SULF2: variants seen among roughly 807,000 people sequenced by gnomAD.
The protein encoded by SULF2 is extracellular sulfatase Sulf-2.
Under a neutral mutation model 107.7 loss-of-function variants are expected in SULF2, and 52 were observed. That is an observed-to-expected ratio of 0.48 (90% CI 0.39 to 0.61). The LOEUF is 0.61. Ranked by LOEUF, SULF2 falls within the 20% of genes least tolerant of loss-of-function variation. SULF2 has a pLI of 0.00. For synonymous variants in SULF2, 460 were observed against 464.3 expected, an observed-to-expected ratio of 0.99 and a Z score of 0.12; for missense variants, 993 against 1,177.3, an observed-to-expected ratio of 0.84 and a Z score of 2.29.
chr20:47,751,891 T>C (rs567463095), intron 2 of SULF2, among the ~76,000 whole-genome samples: 1 of 152,202 alleles, frequency 6.6e-6, no homozygotes, highest in Non-Finnish European at 1.5e-5. Flanking sequence ...TCAACAGCCA[T>C]GATGGTGCAA....
chr20:47,705,713 G>A (rs897581958), intron 3 of SULF2, among the ~76,000 whole-genome samples: 4 of 152,040 alleles, frequency 2.6e-5, no homozygotes, highest in Non-Finnish European at 5.9e-5. Context: ...CTCAATATTC[G>A]CCGACGCACG....
intron 3 of SULF2, among the ~76,000 whole-genome samples, chr20:47,729,654 A>AGGAGAAGCCTGTGAGAGGCGCCGG (rs1296465491): frequency 3.3e-5 from 5 of 151,774 alleles, no homozygotes; most frequent in Non-Finnish European, 7.4e-5. Context: ...GGAGGTGCCG[A>AGGAGAAGCCTGTGAGAGGCGCCGG]GGAGAAGCCT....
At chr20:47,697,653 C>A (rs1602670870) in intron 4 of SULF2, among the ~76,000 whole-genome samples, 2 of 152,220 alleles carry the variant, frequency 1.3e-5, no homozygotes, top group South Asian at 4.1e-4. Context: ...TCTCTGTTCC[C>A]AGGCCCCTGG....
In SULF2 at chr20:47,672,192, ACTTACT is replaced by A. The variant is rs1179520972; in HGVS notation, c.1576_1576+5del. On this transcript the variant is annotated splice_donor_variant and splice_donor_5th_base_variant and coding_sequence_variant and intron_variant, in exon 11 of 21. Coordinates refer to ENST00000688720, the MANE Select transcript of SULF2 (RefSeq NM_001387048.1). LOFTEE classifies it high-confidence loss of function. ...CTGTCCCACTCAGCCAGGTTGTGAC[ACTTACT>A]CTTCTTGAAGAGTTTTTTCCGGCGT... The A allele has an allele frequency of 6.2e-7, 1 of 1,602,118 alleles. No individual in the cohort carries two copies. The highest frequency in any genetic ancestry group is 2.2e-5 in the East Asian group (1 of 44,580).
chr20:47,690,394 T>G, intron 4 of SULF2, 99 bp from the exon 5 acceptor site: 2 of 965,080 alleles, frequency 2.1e-6, no homozygotes, highest in Non-Finnish European at 2.8e-6. Context: ...GGGGACACAA[T>G]AGTGAACAAA....
Position 47,709,379 on chromosome 20 carries a change from A to C in SULF2, c.416-6709T>G, listed in dbSNP as rs763387897. ...ACTGCCCCTGGGCAGCAGGGCTGGC[A>C]TCTGCTGAAAGGCCAGAGCACTTAC... On this transcript the variant is annotated intron_variant, in intron 3 of 20. Transcript: ENST00000688720. Among the ~76,000 whole-genome samples the C allele has an allele frequency of 4.5e-4, 69 of 152,242 alleles. 1 individual carries two copies. Among genetic ancestry groups the C allele is most frequent in the Non-Finnish European group, 6.0e-4 (41 of 68,042 alleles).
At chr20:47,670,907 T>G (rs999787638) in intron 11 of SULF2, among the ~76,000 whole-genome samples, 6 of 151,960 alleles carry the variant, frequency 3.9e-5, no homozygotes, top group Non-Finnish European at 7.4e-5. Context: ...ACACCTAAAA[T>G]CTCTCATTAG....
At chr20:47,763,749 T>A (rs1370737201) in intron 1 of SULF2, among the ~76,000 whole-genome samples, 3 of 152,134 alleles carry the variant, frequency 2.0e-5, no homozygotes, top group Non-Finnish European at 4.4e-5. Flanking sequence ...CAGTGTTCAG[T>A]GATAGGAGAA....
At chr20:47,767,607 C>T (rs111563408) in intron 1 of SULF2, among the ~76,000 whole-genome samples, 2,937 of 152,276 alleles carry the variant, frequency 0.019, 47 homozygotes, top group South Asian at 0.039. Context: ...GAAACCCCAT[C>T]TCTACTAAAA....
intron 8 of SULF2, among the ~76,000 whole-genome samples, 187 bp from the exon 9 acceptor site, chr20:47,677,321 T>C (rs1429903396): frequency 6.6e-6 from 1 of 151,880 alleles, no homozygotes; most frequent in African/African-American, 2.4e-5. Context: ...GAGCCACCCC[T>C]TCCCCAGAGA....
In SULF2 at chr20:47,675,419, G is replaced by A. The variant is rs565616208; in HGVS notation, c.1380+1075C>T. 7.4e-4 allele frequency among the ~76,000 whole-genome samples: 113 copies of A among 152,250 alleles called. 1 individual carries two copies. The highest frequency in any genetic ancestry group is 3.4e-3 in the Middle Eastern group (1 of 294). The stretch of plus-strand genomic sequence containing the variant: ...ACAGCTCCTGCCCGGTGGCAGATAC[G>A]GGTTAATTGTGTGACTAAGAGGGGT... On this transcript the variant is annotated intron_variant, in intron 10 of 20. Coordinates refer to ENST00000688720, the MANE Select transcript of SULF2 (RefSeq NM_001387048.1).
chr20:47,776,488 A>C (rs2090728127), intron 1 of SULF2, among the ~76,000 whole-genome samples: 2 of 152,206 alleles, frequency 1.3e-5, no homozygotes, highest in Admixed American at 1.3e-4. Context: ...TGCTCGGTAA[A>C]TGTGAGCTTT....
Position 47,658,228 on chromosome 20 carries a change from TGA to T in SULF2, c.*132_*133del. On this transcript the variant is annotated 3_prime_UTR_variant, in exon 21 of 21. Coordinates refer to ENST00000688720, the MANE Select transcript of SULF2 (RefSeq NM_001387048.1). ...ATCCTCCAGAATCTGTCATGTTGAC[TGA>T]GAGTGCGTGCTTGCTTTCTCAGGCC... 1 of 848,580 alleles carries T rather than the reference TGA, an allele frequency of 1.2e-6. No individual in the cohort carries two copies. Among genetic ancestry groups the T allele is most frequent in the Non-Finnish European group, 2.0e-6 (1 of 495,778 alleles). The allele number at this position is 848,580 out of a possible 1,614,324, so 52.6% of individuals were successfully genotyped here. A position where few individuals can be genotyped will look rare whatever the true frequency, so the allele number is the denominator to read the frequency against.
intron 1 of SULF2, among the ~76,000 whole-genome samples, chr20:47,772,812 G>A (rs1432129355): frequency 6.6e-6 from 1 of 152,206 alleles, no homozygotes; most frequent in East Asian, 1.9e-4. Flanking sequence ...TCCAGTCAAT[G>A]GGACCTGGTT....
rs987773415 is a variant in SULF2, at chr20:47,665,372, G to A, written c.1903-79C>T. 30 of 952,934 alleles carry A rather than the reference G, an allele frequency of 3.1e-5. No individual in the cohort carries two copies. The African/African-American group carries it at 3.4e-4, about 11-fold the overall frequency. 59.0% of individuals were successfully genotyped at this position (952,934 alleles called of 1,614,324 possible). On this transcript the variant is annotated intron_variant, in intron 13 of 20. Transcript: ENST00000688720. ...GACTTGGCCTGGTGACTGCCCCCAC[G>A]CTGCCGTGTCTGTGCTCAGCAGCGG...
intron 5 of SULF2, among the ~76,000 whole-genome samples, chr20:47,687,615 G>C (rs892124003): frequency 8.5e-5 from 13 of 152,230 alleles, no homozygotes; most frequent in Admixed American, 5.2e-4. Context: ...GGGCACGCCT[G>C]TGTGTATCTT....
chr20:47,763,113 G>A (rs561270055), intron 1 of SULF2, among the ~76,000 whole-genome samples: 1 of 151,802 alleles, frequency 6.6e-6, no homozygotes, highest in African/African-American at 2.4e-5. Flanking sequence ...CGCAGCACCA[G>A]CCGCCTGCCA....
At chr20:47,702,442 A>G in intron 4 of SULF2, 77 bp downstream of exon 4, 1 of 1,531,666 alleles carries the variant, frequency 6.5e-7, no homozygotes. Context: ...TCTGAACCCA[A>G]GTAGTCTGGC....
At chr20:47,764,838 T>C (rs1275778760) in intron 1 of SULF2, among the ~76,000 whole-genome samples, 1 of 152,168 alleles carries the variant, frequency 6.6e-6, no homozygotes, top group East Asian at 1.9e-4. Flanking sequence ...TAATGAATGA[T>C]AGCTAACATC....
Sources: allele counts gnomAD v4.1 joint callset (sites outside exome capture counted in the v4.1 genomes callset), GRCh38; gene constraint gnomAD v4.1.1; transcripts MANE v1.5; gene names NCBI Gene and HGNC (gene_info 2026-07-23, HGNC 2026-07-21).